The following GABRG3 variants were observed in gnomAD, a reference collection of about 807,000 sequenced individuals.
GABRG3 encodes gamma-aminobutyric acid receptor subunit gamma-3.
A neutral mutation model predicts 48.8 loss-of-function variants in GABRG3; 25 were observed. The observed-to-expected ratio is 0.51, with a 90% CI of 0.37 to 0.72. GABRG3 has a LOEUF of 0.72. Ranked by LOEUF, GABRG3 falls within the 30% of genes least tolerant of loss-of-function variation. GABRG3 has a pLI of 0.00. For synonymous variants in GABRG3, 227 were observed against 217.6 expected (o/e 1.04, Z -0.38); for missense variants, 394 against 577.9 (o/e 0.68, Z 3.26).
intron 5 of GABRG3, among the ~76,000 whole-genome samples, chr15:27,468,401 G>A (rs563994327): frequency 6.6e-6 from 1 of 152,188 alleles, no homozygotes; most frequent in African/African-American, 2.4e-5. Flanking sequence ...TCCTGGAACT[G>A]TCATGGGGTT....
intron 5 of GABRG3, among the ~76,000 whole-genome samples, chr15:27,329,701 A>G (rs781203186): frequency 3.3e-5 from 5 of 152,210 alleles, no homozygotes; most frequent in African/African-American, 7.2e-5. Flanking sequence ...ATCTTCCAAC[A>G]TTTTACTTAT....
intron 3 of GABRG3, among the ~76,000 whole-genome samples, chr15:27,202,297 C>G (rs547014928): frequency 2.7e-4 from 41 of 152,180 alleles, no homozygotes; most frequent in African/African-American, 9.9e-4. Flanking sequence ...AACAATACAT[C>G]TTGGTCAATC....
At chr15:27,061,702 GAA>G (rs1198953899) in intron 3 of GABRG3, among the ~76,000 whole-genome samples, 2 of 151,826 alleles carry the variant, frequency 1.3e-5, no homozygotes, top group Non-Finnish European at 2.9e-5. Flanking sequence ...CCACCAAAGA[GAA>G]AAAAAGTCTT....
intron 3 of GABRG3, among the ~76,000 whole-genome samples, chr15:27,110,440 T>G (rs557689064): frequency 1.3e-5 from 2 of 152,132 alleles, no homozygotes; most frequent in African/African-American, 4.8e-5. Flanking sequence ...ATTTTTTTAT[T>G]TTACCTCCAC....
At chr15:27,110,405 C>T (rs1239585670) in intron 3 of GABRG3, among the ~76,000 whole-genome samples, 1 of 151,986 alleles carries the variant, frequency 6.6e-6, no homozygotes, top group Non-Finnish European at 1.5e-5. Context: ...TATTTTAGAG[C>T]AATTTAAAAT....
At chr15:27,474,029 A>G (rs549862034) in intron 5 of GABRG3, among the ~76,000 whole-genome samples, 155 of 152,344 alleles carry the variant, frequency 1.0e-3, no homozygotes, top group Non-Finnish European at 1.2e-3. Context: ...CCCAAGAGCC[A>G]GGGAGCAGGC....
intron 5 of GABRG3, among the ~76,000 whole-genome samples, chr15:27,472,922 T>C (rs536492953): frequency 1.3e-5 from 2 of 152,282 alleles, no homozygotes; most frequent in Admixed American, 1.3e-4. Context: ...GAGATGAATG[T>C]ATGATGGATT....
rs1217673434 is a variant in GABRG3, at chr15:27,536,777, G to A, written c.*3896G>A. Reference sequence around the variant, plus strand: ...GTTGTTCTGCAATATAACCACACTCGAAGCAACAGGAGAGGGGCCGGTAAC... The same window carrying A: ...GTTGTTCTGCAATATAACCACACTCAAAGCAACAGGAGAGGGGCCGGTAAC... On this transcript the variant is annotated 3_prime_UTR_variant, in exon 10 of 10. Coordinates refer to ENST00000615808, the MANE Select transcript of GABRG3 (RefSeq NM_033223.5). 1.3e-5 allele frequency: 2 copies of A among 152,064 alleles called. No individual in the cohort carries two copies. The highest frequency in any genetic ancestry group is 2.9e-5 in the Non-Finnish European group (2 of 68,012). The allele number at this position is 152,064 out of a possible 1,614,324, so 9.4% of individuals were successfully genotyped here.
chr15:27,504,929 C>G (rs1219837231), intron 6 of GABRG3, among the ~76,000 whole-genome samples: 1 of 152,054 alleles, frequency 6.6e-6, no homozygotes, highest in Non-Finnish European at 1.5e-5. Flanking sequence ...GCTCACTTTC[C>G]CTTCATGTTA....
intron 3 of GABRG3, among the ~76,000 whole-genome samples, chr15:27,175,805 CT>C (rs940607713): frequency 1.1e-4 from 16 of 152,258 alleles, no homozygotes; most frequent in Non-Finnish European, 1.6e-4. Flanking sequence ...TTAGTTGTTG[CT>C]TTAAACATTC....
intron 3 of GABRG3, among the ~76,000 whole-genome samples, chr15:27,051,136 A>G (rs1231516164): frequency 6.6e-6 from 1 of 152,234 alleles, no homozygotes; most frequent in Non-Finnish European, 1.5e-5. Flanking sequence ...CATTTGCCTT[A>G]AATTCTATAG....
intron 3 of GABRG3, among the ~76,000 whole-genome samples, chr15:27,129,708 G>C (rs1040487020): frequency 7.1e-6 from 1 of 140,822 alleles, no homozygotes; most frequent in Non-Finnish European, 1.6e-5. Context: ...GTTAGTTTCT[G>C]TTTTGTTTTT....
At chr15:27,101,787 A>G (rs1463303713) in intron 3 of GABRG3, among the ~76,000 whole-genome samples, 1 of 151,388 alleles carries the variant, frequency 6.6e-6, no homozygotes, top group Non-Finnish European at 1.5e-5. Flanking sequence ...CTGGAAGACC[A>G]CAATTGTCTT....
intron 3 of GABRG3, among the ~76,000 whole-genome samples, chr15:27,294,223 CTTTTTT>C (rs1162063750): frequency 1.5e-5 from 2 of 129,296 alleles, no homozygotes; most frequent in African/African-American, 6.2e-5. Flanking sequence ...TTTCTTTTTC[CTTTTTT>C]TTTTTTTTTT....
At chr15:27,320,738 T>C (rs1381106574) in intron 3 of GABRG3, among the ~76,000 whole-genome samples, 1 of 152,138 alleles carries the variant, frequency 6.6e-6, no homozygotes, top group South Asian at 2.1e-4. Flanking sequence ...GTGGTCAGAT[T>C]AATAAAAATA....
intron 5 of GABRG3, among the ~76,000 whole-genome samples, chr15:27,474,429 CAA>C (rs1411406891): frequency 1.3e-5 from 2 of 151,546 alleles, no homozygotes; most frequent in Admixed American, 6.6e-5. Context: ...CAAAAAATAC[CAA>C]GAGAGGAAAC....
chr15:27,163,282 T>C (rs545409836), intron 3 of GABRG3, among the ~76,000 whole-genome samples: 1 of 152,250 alleles, frequency 6.6e-6, no homozygotes, highest in Admixed American at 6.5e-5. Context: ...GGAGGATTTC[T>C]TGAGGGCAGG....
chr15:27,296,757 G>A (rs1264251239), intron 3 of GABRG3, among the ~76,000 whole-genome samples: 1 of 151,958 alleles, frequency 6.6e-6, no homozygotes, highest in Non-Finnish European at 1.5e-5. Flanking sequence ...CAGTACCTGA[G>A]ACTTCATAAT....
At chr15:27,306,505 CTATA>C (rs558365135) in intron 3 of GABRG3, among the ~76,000 whole-genome samples, 4 of 135,276 alleles carry the variant, frequency 3.0e-5, no homozygotes, top group Non-Finnish European at 6.2e-5. Context: ...AAACATATGT[CTATA>C]TATAAACATA....
Sources: gnomAD v4.1 joint callset for allele counts (sites outside exome capture counted in the v4.1 genomes callset) on GRCh38, gnomAD v4.1.1 for gene constraint, MANE v1.5 for transcripts, NCBI Gene and HGNC (gene_info 2026-07-23, HGNC 2026-07-21) for gene names.